Variants in SF3B3 observed in about 807,000 individuals in gnomAD.
The protein encoded by SF3B3 is SAP 130.
In SF3B3, 33 loss-of-function variants were observed where a neutral mutation model predicts 139.2. That is an observed-to-expected ratio of 0.24 (90% CI 0.18 to 0.32). The LOEUF (loss-of-function observed/expected upper bound fraction) is 0.32, where lower values mean the gene tolerates loss of function less well. SF3B3 is among the 10% of genes least tolerant of loss of function. The pLI, the probability that SF3B3 is intolerant of heterozygous loss-of-function variation, is 1.00. For missense variants in SF3B3, 818 were observed against 1,509.4 expected, an observed-to-expected ratio of 0.54 and a Z score of 7.59; for synonymous variants, 596 against 563.6, an observed-to-expected ratio of 1.06 and a Z score of -0.81.
chr16:70,547,957 A>G (rs1229839728), intron 10 of SF3B3, among the ~76,000 whole-genome samples: 2 of 152,190 alleles, frequency 1.3e-5, no homozygotes, highest in Non-Finnish European at 2.9e-5. Flanking sequence ...GGATAAGGGA[A>G]TAATTTTGTT....
At chr16:70,537,937 A>G (rs1392013306) in intron 6 of SF3B3, 1 of 483,278 alleles carries the variant, frequency 2.1e-6, no homozygotes, top group African/African-American at 2.0e-5. Flanking sequence ...AGTCATACCT[A>G]AGGAGGTGCC....
rs1347250055 is a variant in SF3B3, at chr16:70,569,081, G to A, written c.3204G>A (p.Glu1068=). The A allele has an allele frequency of 6.2e-7, 1 of 1,610,920 alleles. No homozygotes were observed. The highest frequency in any genetic ancestry group is 8.5e-7 in the Non-Finnish European group (1 of 1,178,770). The change falls in exon 23 of 26, where the codon GAG becomes GAA. Residue 1068 remains glutamate, a synonymous_variant. Coordinates refer to ENST00000302516, the MANE Select transcript of SF3B3 (RefSeq NM_012426.5). Reference sequence around the variant, plus strand: ...CTAACACCAATGATGAAGTAGATGAGGATCCTACAGGAAACAAAGCCCTGT... The same window carrying A: ...CTAACACCAATGATGAAGTAGATGAAGATCCTACAGGAAACAAAGCCCTGT... ...LPPNTNDEVD[E]DPTGNKALWD... is the part of the protein sequence containing the mutation.
At position 70,576,459 on chromosome 16, in the gene SF3B3, A is replaced by G. The variant is rs1338970599; in HGVS notation, c.*4646A>G. The G allele has an allele frequency of 6.6e-6, 1 of 152,226 alleles. No homozygotes were observed. The highest frequency in any genetic ancestry group is 6.5e-5 in the Admixed American group (1 of 15,278). The allele number at this position is 152,226 out of a possible 1,614,324, so 9.4% of individuals were successfully genotyped here. A position where few individuals can be genotyped will look rare whatever the true frequency, so the allele number is the denominator to read the frequency against. On this transcript the variant is annotated 3_prime_UTR_variant, in exon 26 of 26. Transcript: ENST00000302516. ...TGCTCCCTTCTCTGACTGCAGTCTC[A>G]TAATGAAAGGAGAGGTGCTTTCAGT... is the stretch of plus-strand genomic sequence containing the variant.
Position 70,543,993 on chromosome 16 carries a change from A to G in SF3B3, c.1234-445A>G, listed in dbSNP as rs1036505707. Among the ~76,000 whole-genome samples, 3 of 152,112 alleles carry G rather than the reference A, an allele frequency of 2.0e-5. No individual in the cohort carries two copies. The South Asian group carries it at 6.2e-4, about 32-fold the overall frequency. ...CTCCGCCTCCTCAGTAGCTGGGACTATAGACACAAGCCACCATACCCAGCT... is the reference window on the plus strand; with the variant it reads ...CTCCGCCTCCTCAGTAGCTGGGACTGTAGACACAAGCCACCATACCCAGCT... On this transcript the variant is annotated intron_variant, in intron 9 of 25. Transcript: ENST00000302516.
intron 11 of SF3B3, among the ~76,000 whole-genome samples, chr16:70,551,528 C>T (rs962910342): frequency 1.3e-5 from 2 of 152,242 alleles, no homozygotes; most frequent in East Asian, 1.9e-4. Flanking sequence ...TATGGAGAAA[C>T]CCTGTCTCTA....
At chr16:70,558,496 C>A (rs1045022086) in intron 15 of SF3B3, among the ~76,000 whole-genome samples, 1 of 151,836 alleles carries the variant, frequency 6.6e-6, no homozygotes, top group Non-Finnish European at 1.5e-5. Context: ...TGAGCTATTT[C>A]ACCTTTTTTT....
At position 70,541,892 on chromosome 16, in the gene SF3B3, T is replaced by G. The variant is rs2050221800; in HGVS notation, c.1233+58T>G. 4.9e-6 allele frequency: 7 copies of G among 1,427,610 alleles called. No homozygotes were observed. The South Asian group carries it at 9.3e-5, about 19-fold the overall frequency. 88.4% of individuals were successfully genotyped at this position (1,427,610 alleles called of 1,614,324 possible). A position where few individuals can be genotyped will look rare whatever the true frequency, so the allele number is the denominator to read the frequency against. On this transcript the variant is annotated intron_variant, in intron 9 of 25. Coordinates refer to ENST00000302516, the MANE Select transcript of SF3B3 (RefSeq NM_012426.5). ...GATCTAAAGTTAAACTGAGGTCTAG[T>G]CTAAGAAATAGCTTTATTAGTATTT...
At position 70,540,632 on chromosome 16, in the gene SF3B3, A is replaced by G. The variant is rs572145363; in HGVS notation, c.1068-1037A>G. Among the ~76,000 whole-genome samples, 174 of 152,164 alleles carry G rather than the reference A, an allele frequency of 1.1e-3. 5 individuals carry two copies. The South Asian group carries it at 0.034, about 30-fold the overall frequency. On this transcript the variant is annotated intron_variant, in intron 8 of 25. Transcript: ENST00000302516. ...GCAATCCACCTGCCTCAGTCTCCCA[A>G]TGTGCTGAGATTACAGGCTTGAGCC...
intron 4 of SF3B3, among the ~76,000 whole-genome samples, chr16:70,531,514 GC>G (rs1367492824): frequency 1.3e-5 from 2 of 152,090 alleles, no homozygotes; most frequent in African/African-American, 4.8e-5. Context: ...CAGGTGATTG[GC>G]CCACCTCAGC....
rs780164940 is a variant in SF3B3, at chr16:70,526,755, A to AT, written c.70+33dup. ...AGTTCTCTCGTTACCATCTTTTGAA[A>AT]TTTTAAGTGAATTAATACATATCTT... On this transcript the variant is annotated intron_variant, in intron 2 of 25. Coordinates refer to ENST00000302516, the MANE Select transcript of SF3B3 (RefSeq NM_012426.5). The AT allele has an allele frequency of 4.7e-6, 7 of 1,490,498 alleles. No individual in the cohort carries two copies. The African/African-American group carries it at 9.7e-5, about 21-fold the overall frequency. 92.3% of individuals were successfully genotyped at this position (1,490,498 alleles called of 1,614,324 possible).
intron 11 of SF3B3, among the ~76,000 whole-genome samples, chr16:70,553,730 C>T (rs2050351546): frequency 6.6e-6 from 1 of 152,196 alleles, no homozygotes; most frequent in Admixed American, 6.5e-5. Context: ...AGTCCTCTGA[C>T]TTCCTTGAGA....
intron 17 of SF3B3, 127 bp from the exon 18 acceptor site, chr16:70,563,749 A>T: frequency 3.7e-6 from 3 of 816,412 alleles, no homozygotes; most frequent in Non-Finnish European, 5.9e-6. Flanking sequence ...GCTGTTGTTT[A>T]ATGTTGCCTA....
chr16:70,547,278 C>CCTAT (rs2050277908), intron 10 of SF3B3, among the ~76,000 whole-genome samples: 1 of 152,156 alleles, frequency 6.6e-6, no homozygotes, highest in African/African-American at 2.4e-5. Context: ...ATGAATTCTT[C>CCTAT]CTATAAGATG....
chr16:70,538,586 T>C (rs2050189815), intron 7 of SF3B3, 126 bp downstream of exon 7: 1 of 737,602 alleles, frequency 1.4e-6, no homozygotes, highest in African/African-American at 1.8e-5. Context: ...GGTATATGAG[T>C]ATAGATTTTC....
chr16:70,527,067 G>A (rs1267856241), intron 2 of SF3B3: 1 of 264,626 alleles, frequency 3.8e-6, no homozygotes, highest in Non-Finnish European at 7.1e-6. Context: ...TAAAAAGAAT[G>A]TCTGAAGGTG....
At chr16:70,561,518 T>C in intron 16 of SF3B3, 112 bp from the exon 17 acceptor site, 2 of 862,784 alleles carry the variant, frequency 2.3e-6, no homozygotes, top group Admixed American at 4.4e-5. Context: ...TTCTAGAATA[T>C]CTTAGGATAC....
chr16:70,555,307 G>C, intron 13 of SF3B3, 101 bp downstream of exon 13: 1 of 1,149,324 alleles, frequency 8.7e-7, no homozygotes, highest in Admixed American at 1.9e-5. Flanking sequence ...GTGAAATCCT[G>C]TCTCTACTAA....
At chr16:70,569,018 T>G (rs2050503756) in intron 22 of SF3B3, 25 bp from the exon 23 acceptor site, 1 of 1,558,976 alleles carries the variant, frequency 6.4e-7, no homozygotes, top group Non-Finnish European at 8.8e-7. Context: ...GCCCCAGCAG[T>G]GTGACTTGTG....
chr16:70,564,133 G>T, intron 18 of SF3B3, 83 bp downstream of exon 18: 2 of 1,414,540 alleles, frequency 1.4e-6, no homozygotes, highest in Non-Finnish European at 1.9e-6. Context: ...CACTTTGGGA[G>T]GCTGAGGTGG....
Sources: allele counts gnomAD v4.1 joint callset (sites outside exome capture counted in the v4.1 genomes callset), GRCh38; gene constraint gnomAD v4.1.1; transcripts MANE v1.5; gene names NCBI Gene and HGNC (gene_info 2026-07-23, HGNC 2026-07-21).